Variants in EPHB2 observed in about 807,000 individuals in gnomAD.
EPHB2 encodes the protein EPH receptor B2.
Under a neutral mutation model 96.4 loss-of-function variants are expected in EPHB2, and 18 were observed. The observed-to-expected ratio is 0.19, with a 90% CI of 0.13 to 0.28. The LOEUF (loss-of-function observed/expected upper bound fraction) is 0.28, where lower values mean the gene tolerates loss of function less well. Ranked by LOEUF, EPHB2 falls within the 10% of genes least tolerant of loss-of-function variation. The pLI is 1.00. For synonymous variants in EPHB2, 506 were observed against 534.1 expected (o/e 0.95, Z 0.72); for missense variants, 989 against 1,355.4 (o/e 0.73, Z 4.25).
intron 1 of EPHB2, among the ~76,000 whole-genome samples, chr1:22,719,796 G>A (rs1302731669): frequency 6.6e-6 from 1 of 152,180 alleles, no homozygotes; most frequent in Non-Finnish European, 1.5e-5. Flanking sequence ...TCAGGCAAGG[G>A]AAGGGAGAGC....
At position 22,821,172 on chromosome 1, in the gene EPHB2, G is replaced by A. The variant is rs576548367; in HGVS notation, c.811+36096G>A. On this transcript the variant is annotated intron_variant, in intron 3 of 15. Coordinates refer to ENST00000374630, the MANE Select transcript of EPHB2 (RefSeq NM_017449.5). ...AAGAGGAAGCGGTAAAGATAGACAC[G>A]CATGCTTCTTTTAAGGACAATTCCC... is the stretch of plus-strand genomic sequence containing the variant. Among the ~76,000 whole-genome samples, 188 of 152,230 alleles carry A rather than the reference G, an allele frequency of 1.2e-3. 1 individual carries two copies. The highest frequency in any genetic ancestry group is 4.1e-3 in the African/African-American group (170 of 41,530).
intron 7 of EPHB2, among the ~76,000 whole-genome samples, chr1:22,894,521 C>A (rs1016944913): frequency 6.6e-6 from 1 of 150,940 alleles, no homozygotes; most frequent in Non-Finnish European, 1.5e-5. Context: ...CGCTTGAACC[C>A]GGGAAGCAGA....
intron 5 of EPHB2, among the ~76,000 whole-genome samples, chr1:22,880,017 A>T (rs1040278458): frequency 6.7e-6 from 1 of 150,346 alleles, no homozygotes; most frequent in African/African-American, 2.5e-5. Context: ...GGGAGTCTGG[A>T]CCTGCCCAGG....
At chr1:22,717,290 G>C (rs1643319197) in intron 1 of EPHB2, among the ~76,000 whole-genome samples, 1 of 152,084 alleles carries the variant, frequency 6.6e-6, no homozygotes, top group Non-Finnish European at 1.5e-5. Flanking sequence ...GAGGCTCCCT[G>C]ATTGGGATCA....
intron 1 of EPHB2, among the ~76,000 whole-genome samples, chr1:22,765,589 G>A (rs1411775963): frequency 6.8e-6 from 1 of 147,004 alleles, no homozygotes; most frequent in Non-Finnish European, 1.5e-5. Flanking sequence ...GTGAGCACCG[G>A]CATTCTCCTT....
intron 1 of EPHB2, among the ~76,000 whole-genome samples, chr1:22,718,503 A>G (rs1643351184): frequency 6.7e-6 from 1 of 148,382 alleles, no homozygotes; most frequent in Non-Finnish European, 1.5e-5. Flanking sequence ...TTCCTGCCTC[A>G]GCCTCCCTGA....
intron 2 of EPHB2, among the ~76,000 whole-genome samples, chr1:22,782,116 A>C (rs1341987441): frequency 2.6e-5 from 4 of 151,672 alleles, no homozygotes; most frequent in African/African-American, 9.7e-5. Flanking sequence ...GGGGTCAAAT[A>C]CTCCTGAAAA....
At chr1:22,800,702 A>ATATG (rs1553165464) in intron 3 of EPHB2, among the ~76,000 whole-genome samples, 2 of 148,774 alleles carry the variant, frequency 1.3e-5, no homozygotes. Flanking sequence ...GTGTGAGTAT[A>ATATG]TGTGTGTGTG....
intron 1 of EPHB2, among the ~76,000 whole-genome samples, chr1:22,747,686 C>T (rs1038759577): frequency 5.3e-5 from 8 of 152,242 alleles, no homozygotes; most frequent in Non-Finnish European, 8.8e-5. Flanking sequence ...AGCAGGCAAG[C>T]GAGCCGTCGG....
intron 1 of EPHB2, among the ~76,000 whole-genome samples, chr1:22,737,293 GACC>G (rs1643852634): frequency 6.6e-6 from 1 of 152,102 alleles, no homozygotes. Context: ...CTGCAGCTGA[GACC>G]ACATTACCCT....
intron 3 of EPHB2, among the ~76,000 whole-genome samples, chr1:22,833,641 AG>A (rs1645339051): frequency 6.6e-6 from 1 of 152,244 alleles, no homozygotes; most frequent in Admixed American, 6.5e-5. Flanking sequence ...GGGAATAAAA[AG>A]GCATACAGCA....
rs2148390016 is a variant in EPHB2 at position 22,757,923 on chromosome 1, T to A, written c.62-23498T>A. ...GTAAGCTATGCTTTTTTTTTTTTTT[T>A]TTTTTTTTTTTTTGAGACGGAGTCT... On this transcript the variant is annotated intron_variant, in intron 1 of 15. Transcript: ENST00000374630. Among the ~76,000 whole-genome samples the A allele has an allele frequency of 1.4e-5, 2 of 138,928 alleles. 1 individual carries two copies. The highest frequency in any genetic ancestry group is 1.4e-4 in the Admixed American group (2 of 13,886). 91.1% of individuals were successfully genotyped at this position (138,928 alleles called of 152,430 possible).
chr1:22,807,805 A>G (rs1393631183), intron 3 of EPHB2, among the ~76,000 whole-genome samples: 3 of 152,208 alleles, frequency 2.0e-5, no homozygotes, highest in African/African-American at 7.2e-5. Flanking sequence ...CAGTGGGGCA[A>G]AAGTATTCTA....
chr1:22,832,495 T>G (rs1489954627), intron 3 of EPHB2, among the ~76,000 whole-genome samples: 1 of 152,194 alleles, frequency 6.6e-6, no homozygotes, highest in African/African-American at 2.4e-5. Flanking sequence ...GTTAAGGGAC[T>G]TGTTCAGAAT....
Position 22,741,696 on chromosome 1 carries a change from A to C in EPHB2, c.61+30653A>C, listed in dbSNP as rs74060657. Among the ~76,000 whole-genome samples, 332 of 137,378 alleles carry C rather than the reference A, an allele frequency of 2.4e-3. 9 individuals are homozygous for C. The highest frequency in any genetic ancestry group is 7.0e-3 in the African/African-American group (267 of 38,044). 90.1% of individuals were successfully genotyped at this position (137,378 alleles called of 152,430 possible). On this transcript the variant is annotated intron_variant, in intron 1 of 15. Transcript: ENST00000374630. ...CTTCCCAGCAAAAAAAAACAAAAAA[A>C]CAAAAAACCTCAGTTTCTCACGTTG... is the stretch of plus-strand genomic sequence containing the variant.
intron 3 of EPHB2, among the ~76,000 whole-genome samples, chr1:22,849,005 T>A (rs1158094682): frequency 1.3e-5 from 2 of 152,110 alleles, no homozygotes; most frequent in African/African-American, 4.8e-5. Context: ...TCCAACATCA[T>A]AGCACTGTTA....
At chr1:22,763,693 A>G (rs183226369) in intron 1 of EPHB2, among the ~76,000 whole-genome samples, 1 of 152,186 alleles carries the variant, frequency 6.6e-6, no homozygotes, top group East Asian at 1.9e-4. Flanking sequence ...TGCTATGACT[A>G]ATTACCAAAG....
chr1:22,833,666 C>T (rs1282838109), intron 3 of EPHB2, among the ~76,000 whole-genome samples: 2 of 151,962 alleles, frequency 1.3e-5, no homozygotes, highest in Non-Finnish European at 2.9e-5. Flanking sequence ...ACAATCAATT[C>T]CACAGAATTA....
chr1:22,771,557 G>T (rs114056749), intron 1 of EPHB2, among the ~76,000 whole-genome samples: 2,084 of 152,274 alleles, frequency 0.014, 56 homozygotes, highest in African/African-American at 0.048. Context: ...CAGCCTGAGG[G>T]TATCTCAGCT....
Sources: allele counts gnomAD v4.1 joint callset (sites outside exome capture counted in the v4.1 genomes callset), GRCh38; gene constraint gnomAD v4.1.1; transcripts MANE v1.5; gene names NCBI Gene and HGNC (gene_info 2026-07-23, HGNC 2026-07-21).